DOK5: variants seen among roughly 807,000 people sequenced by gnomAD.
DOK5 encodes docking protein 5.
DOK5 carries 27 observed loss-of-function variants against 43.3 expected under a neutral mutation model. The observed-to-expected ratio is 0.62, with a 90% CI of 0.46 to 0.86. The LOEUF is 0.86. Ranked by LOEUF, DOK5 falls within the 40% of genes least tolerant of loss-of-function variation. The probability of loss-of-function intolerance (pLI) is 0.00; values close to 1 mark genes in which losing one functional copy is unlikely to be tolerated. For synonymous variants in DOK5, 146 were observed against 140.1 expected, an observed-to-expected ratio of 1.04 and a Z score of -0.30; for missense variants, 373 against 392.9, an observed-to-expected ratio of 0.95 and a Z score of 0.43.
chr20:54,534,104 G>A (rs547587433), intron 1 of DOK5, among the ~76,000 whole-genome samples: 265 of 152,336 alleles, frequency 1.7e-3, no homozygotes, highest in African/African-American at 6.1e-3. Flanking sequence ...TGGTGGTAAA[G>A]ATTCGTTTTT....
intron 1 of DOK5, among the ~76,000 whole-genome samples, chr20:54,517,530 G>A (rs951567551): frequency 2.6e-5 from 4 of 152,118 alleles, no homozygotes; most frequent in Non-Finnish European, 5.9e-5. Context: ...TTCTCTGTTA[G>A]TTTCCTTATT....
intron 1 of DOK5, among the ~76,000 whole-genome samples, chr20:54,512,653 C>G (rs1249125546): frequency 6.6e-6 from 1 of 152,108 alleles, no homozygotes; most frequent in Non-Finnish European, 1.5e-5. Context: ...AAATGTTGTA[C>G]TTTGCTTTAC....
chr20:54,481,089 C>CATCTAT (rs1568746462), intron 1 of DOK5, among the ~76,000 whole-genome samples: 10 of 116,108 alleles, frequency 8.6e-5, no homozygotes, highest in African/African-American at 3.8e-4. Context: ...CTATCATCTA[C>CATCTAT]CATCTATCTA....
intron 2 of DOK5, among the ~76,000 whole-genome samples, chr20:54,569,110 C>T (rs898997280): frequency 2.6e-5 from 4 of 151,844 alleles, no homozygotes; most frequent in African/African-American, 7.3e-5. Flanking sequence ...AACATATTCT[C>T]ACACACATAT....
intron 1 of DOK5, among the ~76,000 whole-genome samples, chr20:54,527,639 G>A (rs1164046828): frequency 1.3e-5 from 2 of 152,170 alleles, no homozygotes; most frequent in Non-Finnish European, 2.9e-5. Flanking sequence ...CTGGGAAGGT[G>A]GAAGTGAGTA....
intron 2 of DOK5, among the ~76,000 whole-genome samples, chr20:54,565,211 C>T (rs1003519507): frequency 2.4e-4 from 37 of 152,100 alleles, no homozygotes; most frequent in Non-Finnish European, 4.4e-4. Context: ...TTTTCCTATC[C>T]ATACATACCT....
At chr20:54,602,461 G>A (rs1986326870) in intron 5 of DOK5, among the ~76,000 whole-genome samples, 1 of 152,166 alleles carries the variant, frequency 6.6e-6, no homozygotes, top group African/African-American at 2.4e-5. Context: ...TAGAGGCGAT[G>A]TTAAATAAAT....
intron 2 of DOK5, among the ~76,000 whole-genome samples, chr20:54,571,054 G>A (rs569166459): frequency 6.6e-6 from 1 of 152,140 alleles, no homozygotes; most frequent in South Asian, 2.1e-4. Context: ...GTCCATTTTT[G>A]GAAATTCTTA....
intron 1 of DOK5, among the ~76,000 whole-genome samples, chr20:54,486,655 T>A (rs775308903): frequency 2.2e-4 from 34 of 152,226 alleles, no homozygotes; most frequent in Non-Finnish European, 4.1e-4. Context: ...CACACTTTAG[T>A]TTGGGTCTCA....
intron 1 of DOK5, among the ~76,000 whole-genome samples, chr20:54,528,038 C>G (rs1170500251): frequency 6.6e-6 from 1 of 152,236 alleles, no homozygotes; most frequent in Non-Finnish European, 1.5e-5. Flanking sequence ...GAAACCCTGT[C>G]TCTACCAAAA....
chr20:54,574,990 G>T (rs141726342), intron 2 of DOK5, among the ~76,000 whole-genome samples: 1 of 152,140 alleles, frequency 6.6e-6, no homozygotes, highest in African/African-American at 2.4e-5. Flanking sequence ...CTTATGAAGC[G>T]ATGCCATGTG....
chr20:54,602,023 T>C (rs1986313696), intron 5 of DOK5, among the ~76,000 whole-genome samples: 1 of 152,198 alleles, frequency 6.6e-6, no homozygotes, highest in Non-Finnish European at 1.5e-5. Flanking sequence ...TTCTTAGTCA[T>C]TCTTGCTTCC....
intron 2 of DOK5, among the ~76,000 whole-genome samples, chr20:54,574,126 T>C (rs1985381852): frequency 6.6e-6 from 1 of 152,090 alleles, no homozygotes; most frequent in Non-Finnish European, 1.5e-5. Context: ...CTGCTGCAAG[T>C]CTCTGTTGAA....
At chr20:54,513,197 T>C (rs1983069276) in intron 1 of DOK5, among the ~76,000 whole-genome samples, 1 of 152,184 alleles carries the variant, frequency 6.6e-6, no homozygotes, top group Admixed American at 6.5e-5. Context: ...AGCAGTCATC[T>C]TGGAACTATG....
At chr20:54,621,324 T>A (rs1986970274) in intron 6 of DOK5, among the ~76,000 whole-genome samples, 1 of 152,160 alleles carries the variant, frequency 6.6e-6, no homozygotes, top group Non-Finnish European at 1.5e-5. Flanking sequence ...AGTGGTTGAG[T>A]TTCTGGCATA....
chr20:54,556,898 C>T (rs1984725527), intron 2 of DOK5, among the ~76,000 whole-genome samples: 1 of 152,148 alleles, frequency 6.6e-6, no homozygotes, highest in Admixed American at 6.5e-5. Flanking sequence ...ATATGCCAAC[C>T]TTTCTGAATG....
intron 7 of DOK5, among the ~76,000 whole-genome samples, chr20:54,646,111 A>AT (rs776868873): frequency 6.6e-6 from 1 of 152,030 alleles, no homozygotes; most frequent in Non-Finnish European, 1.5e-5. Flanking sequence ...TGTTTGCAAT[A>AT]TTTGAGTTAT....
rs117745788 is a variant in DOK5, at chr20:54,635,035, A to C, written c.736-8423A>C. On this transcript the variant is annotated intron_variant, in intron 6 of 7. Coordinates refer to ENST00000262593, the MANE Select transcript of DOK5 (RefSeq NM_018431.5). ...CTAAGGACATTCAAAAGTTAACCTG[A>C]AAAACCAGTTCAGCCCATGATGGGA... is the stretch of plus-strand genomic sequence containing the variant. 5.5e-3 allele frequency among the ~76,000 whole-genome samples: 836 copies of C among 152,276 alleles called. 19 individuals are homozygous for C. In the East Asian group the frequency reaches 0.073, roughly 13 times the overall value.
chr20:54,479,158 T>C (rs1175814832), intron 1 of DOK5, among the ~76,000 whole-genome samples: 1 of 152,214 alleles, frequency 6.6e-6, no homozygotes, highest in Non-Finnish European at 1.5e-5. Flanking sequence ...TCACCTTCAT[T>C]TGAAATCCTA....
Sources: gnomAD v4.1 joint callset for allele counts (sites outside exome capture counted in the v4.1 genomes callset) on GRCh38, gnomAD v4.1.1 for gene constraint, MANE v1.5 for transcripts, NCBI Gene and HGNC (gene_info 2026-07-23, HGNC 2026-07-21) for gene names.